TTC27: variants seen among roughly 807,000 people sequenced by gnomAD.
TTC27 encodes tetratricopeptide repeat protein 27.
A neutral mutation model predicts 115.9 loss-of-function variants in TTC27; 79 were observed. The ratio of observed to expected loss-of-function variants is 0.68; its 90% confidence interval spans 0.57 to 0.82. The LOEUF (loss-of-function observed/expected upper bound fraction) is 0.82, where lower values mean the gene tolerates loss of function less well. Ranked by LOEUF, TTC27 falls within the 40% of genes least tolerant of loss-of-function variation. The probability of loss-of-function intolerance (pLI) is 0.00; values close to 1 mark genes in which losing one functional copy is unlikely to be tolerated. For missense variants in TTC27, 1,054 were observed against 993.1 expected (o/e 1.06, Z -0.82); for synonymous variants, 401 against 356.0 (o/e 1.13, Z -1.42).
intron 2 of TTC27, 54 bp downstream of exon 2, chr2:32,630,754 C>A (rs561295313): frequency 3.3e-6 from 5 of 1,508,740 alleles, no homozygotes; most frequent in Non-Finnish European, 4.5e-6. Flanking sequence ...CATTTAATAG[C>A]ACCTTGACAG....
intron 3 of TTC27, 73 bp downstream of exon 3, chr2:32,634,078 T>C: frequency 6.7e-7 from 1 of 1,485,826 alleles, no homozygotes; most frequent in South Asian, 1.3e-5. Context: ...CTTTATAAAC[T>C]GGAACTCATA....
At chr2:32,686,107 TTTACAAATAA>T (rs1172508586) in intron 9 of TTC27, among the ~76,000 whole-genome samples, 1 of 152,148 alleles carries the variant, frequency 6.6e-6, no homozygotes, top group Non-Finnish European at 1.5e-5. Flanking sequence ...AAATCAAATA[TTTACAAATAA>T]TTACAACTAA....
At chr2:32,801,059 C>T (rs1670916819) in intron 16 of TTC27, among the ~76,000 whole-genome samples, 1 of 152,196 alleles carries the variant, frequency 6.6e-6, no homozygotes, top group South Asian at 2.1e-4. Flanking sequence ...TAAGGGTAGG[C>T]TGTGACAGTG....
rs567460048 is a variant in TTC27, at chr2:32,635,541, G to A, written c.396+1536G>A. 1.1e-4 allele frequency among the ~76,000 whole-genome samples: 17 copies of A among 152,134 alleles called. 1 individual carries two copies. Among genetic ancestry groups the A allele is most frequent in the South Asian group, 8.3e-4 (4 of 4,798 alleles). Reference sequence around the variant, plus strand: ...CTTACTAAAAATACAAAAATTAGCCGGGTGTGGTGGTGCACGCTTGTAATC... The same window carrying A: ...CTTACTAAAAATACAAAAATTAGCCAGGTGTGGTGGTGCACGCTTGTAATC... On this transcript the variant is annotated intron_variant, in intron 3 of 19. Coordinates refer to ENST00000317907, the MANE Select transcript of TTC27 (RefSeq NM_017735.5).
rs1231835558 is a variant in TTC27, at chr2:32,820,945, TG to T, written c.*9del. 2 of 1,478,778 alleles carry T rather than the reference TG, an allele frequency of 1.4e-6. No homozygotes were observed. The highest frequency in any genetic ancestry group is 2.9e-5 in the African/African-American group (2 of 68,790). The allele number at this position is 1,478,778 out of a possible 1,614,324, so 91.6% of individuals were successfully genotyped here. A position where few individuals can be genotyped will look rare whatever the true frequency, so the allele number is the denominator to read the frequency against. ...GTTTCGAAATCAGTATTGATTCTGC[TG>T]GAAGCAGATTCTGGAAAAGGTGCTT... On this transcript the variant is annotated 3_prime_UTR_variant, in exon 20 of 20. Coordinates refer to ENST00000317907, the MANE Select transcript of TTC27 (RefSeq NM_017735.5).
chr2:32,700,137 G>T (rs1302143354), intron 9 of TTC27, among the ~76,000 whole-genome samples: 1 of 152,226 alleles, frequency 6.6e-6, no homozygotes, highest in African/African-American at 2.4e-5. Flanking sequence ...AAACGCTGGA[G>T]GAGGAGAGCT....
chr2:32,758,264 G>A, intron 12 of TTC27, 28 bp from the exon 13 acceptor site: 1 of 1,600,664 alleles, frequency 6.2e-7, no homozygotes, highest in Non-Finnish European at 8.5e-7. Flanking sequence ...TCACTCTTAA[G>A]CAATTTCATT....
chr2:32,711,388 T>C (rs943962052), intron 10 of TTC27, among the ~76,000 whole-genome samples: 2 of 152,186 alleles, frequency 1.3e-5, no homozygotes, highest in Non-Finnish European at 2.9e-5. Flanking sequence ...TGTGACAGGA[T>C]GAATGCACAA....
chr2:32,671,345 C>T (rs1559198473), intron 7 of TTC27, among the ~76,000 whole-genome samples: 1 of 151,764 alleles, frequency 6.6e-6, no homozygotes, highest in Non-Finnish European at 1.5e-5. Context: ...CATTCACTTA[C>T]TTATTTTTTG....
At chr2:32,674,563 C>T (rs1227337224) in intron 8 of TTC27, among the ~76,000 whole-genome samples, 1 of 152,108 alleles carries the variant, frequency 6.6e-6, no homozygotes, top group African/African-American at 2.4e-5. Flanking sequence ...GAATTCAGTT[C>T]TACAGTTCCT....
At chr2:32,789,789 G>C (rs1008281041) in intron 16 of TTC27, among the ~76,000 whole-genome samples, 1 of 151,576 alleles carries the variant, frequency 6.6e-6, no homozygotes, top group Non-Finnish European at 1.5e-5. Flanking sequence ...AGCTGGGCTT[G>C]GTAATATGTA....
chr2:32,798,488 G>C (rs1481851794), intron 16 of TTC27, among the ~76,000 whole-genome samples: 1 of 151,920 alleles, frequency 6.6e-6, no homozygotes, highest in Non-Finnish European at 1.5e-5. Flanking sequence ...CGGATCACGA[G>C]GTCAGGAGAT....
chr2:32,752,046 T>G (rs1378464705), intron 12 of TTC27, among the ~76,000 whole-genome samples: 1 of 152,202 alleles, frequency 6.6e-6, no homozygotes, highest in Non-Finnish European at 1.5e-5. Flanking sequence ...AATATCTGAT[T>G]ATCACTGTGG....
At chr2:32,740,139 C>G (rs911215467) in intron 12 of TTC27, among the ~76,000 whole-genome samples, 3 of 152,156 alleles carry the variant, frequency 2.0e-5, no homozygotes, top group Non-Finnish European at 4.4e-5. Context: ...TTATCCGACC[C>G]ACTTACAGCA....
chr2:32,782,756 C>A, intron 15 of TTC27, 78 bp downstream of exon 15: 1 of 1,175,142 alleles, frequency 8.5e-7, no homozygotes. Context: ...AACATTGTTT[C>A]AATGTTTCTC....
At chr2:32,750,291 G>T (rs373522078) in intron 12 of TTC27, among the ~76,000 whole-genome samples, 2 of 152,218 alleles carry the variant, frequency 1.3e-5, no homozygotes, top group East Asian at 1.9e-4. Flanking sequence ...GGTCAGCAGA[G>T]CCAGCAGTTG....
chr2:32,702,505 A>G (rs1456005349), intron 9 of TTC27, among the ~76,000 whole-genome samples: 3 of 152,104 alleles, frequency 2.0e-5, no homozygotes, highest in Non-Finnish European at 4.4e-5. Flanking sequence ...GTTAGGTTTC[A>G]GTGTGTGCAT....
In TTC27 at chr2:32,820,054, C is replaced by T. The variant is rs1558360637; in HGVS notation, c.2410-762C>T. 2.6e-5 allele frequency among the ~76,000 whole-genome samples: 4 copies of T among 152,338 alleles called. 1 individual carries two copies. The highest frequency in any genetic ancestry group is 7.2e-5 in the African/African-American group (3 of 41,582). The stretch of plus-strand genomic sequence containing the variant: ...CTTCATTTTGTTATGAAATGCTGTA[C>T]AAATCATGTAGTCAAATCCAGTGAA... On this transcript the variant is annotated intron_variant, in intron 19 of 19. Transcript: ENST00000317907.
intron 9 of TTC27, among the ~76,000 whole-genome samples, chr2:32,689,981 C>T (rs1485265828): frequency 6.6e-6 from 1 of 152,004 alleles, no homozygotes; most frequent in Non-Finnish European, 1.5e-5. Context: ...AACTATTGGT[C>T]ATGTGGCAAA....
Sources: gnomAD v4.1 joint callset for allele counts (sites outside exome capture counted in the v4.1 genomes callset) on GRCh38, gnomAD v4.1.1 for gene constraint, MANE v1.5 for transcripts, NCBI Gene and HGNC (gene_info 2026-07-23, HGNC 2026-07-21) for gene names.